Variants in RFC5 observed in about 807,000 individuals in gnomAD.
RFC5 encodes the protein replication factor C subunit 5, also known as A1 36 kDa subunit.
In RFC5, 26 loss-of-function variants were observed where a neutral mutation model predicts 44.3. That is an observed-to-expected ratio of 0.59 (90% CI 0.43 to 0.81). The LOEUF (loss-of-function observed/expected upper bound fraction) is 0.81. Ranked by LOEUF, RFC5 falls within the 40% of genes least tolerant of loss-of-function variation. RFC5 has a pLI of 0.00. For synonymous variants in RFC5, 155 were observed against 155.2 expected (o/e 1.00, Z 0.01); for missense variants, 328 against 418.6 (o/e 0.78, Z 1.89).
At position 118,016,727 on chromosome 12, in the gene RFC5, G is replaced by A; in HGVS notation, c.-101G>A. On this transcript the variant is annotated 5_prime_UTR_variant, in exon 1 of 11. Coordinates refer to ENST00000454402, the MANE Select transcript of RFC5 (RefSeq NM_007370.7). ...CGAGAGTTGCTTTTGCGCGCGAACT[G>A]TAAGTGCCAGGGTCTCAGGGTCAGG... 1.0e-6 allele frequency: 1 copy of A among 962,412 alleles called. No homozygotes were observed. The highest frequency in any genetic ancestry group is 1.6e-6 in the Non-Finnish European group (1 of 619,824). 59.6% of individuals were successfully genotyped at this position (962,412 alleles called of 1,614,324 possible). A position where few individuals can be genotyped will look rare whatever the true frequency, so the allele number is the denominator to read the frequency against.
intron 9 of RFC5, among the ~76,000 whole-genome samples, chr12:118,028,704 A>G (rs1352701931): frequency 6.6e-6 from 1 of 152,180 alleles, no homozygotes; most frequent in Non-Finnish European, 1.5e-5. Context: ...CCAGAAAAGA[A>G]AGAGAAGATA....
At chr12:118,023,436 G>A (rs1360719733) in intron 5 of RFC5, among the ~76,000 whole-genome samples, 1 of 89,640 alleles carries the variant, frequency 1.1e-5, no homozygotes, top group Non-Finnish European at 2.3e-5. Context: ...AGGAAGAGGA[G>A]GGGGTGAGGA....
intron 6 of RFC5, 96 bp from the exon 7 acceptor site, chr12:118,025,651 C>T (rs1439152478): frequency 1.3e-6 from 1 of 754,722 alleles, no homozygotes; most frequent in East Asian, 2.5e-5. Context: ...TCCTTCATCC[C>T]TTTAAAGCCT....
downstream of RFC5, chr12:118,034,189 G>A (rs780222378): frequency 1.9e-6 from 3 of 1,614,128 alleles, no homozygotes; most frequent in Non-Finnish European, 2.5e-6. Context: ...ACAAGATGTG[G>A]TGTTGCTTAA....
chr12:118,020,375 A>G (rs1302496413), intron 3 of RFC5, among the ~76,000 whole-genome samples: 1 of 152,216 alleles, frequency 6.6e-6, no homozygotes, highest in African/African-American at 2.4e-5. Flanking sequence ...TGGTTTTCCT[A>G]TATCACACCT....
the RFC5 span, among the ~76,000 whole-genome samples, chr12:118,041,333 G>A: frequency 6.6e-6 from 1 of 152,152 alleles, no homozygotes; most frequent in African/African-American, 2.4e-5. Context: ...CAGAGAGAAG[G>A]TGGCTGTTTA....
At chr12:118,030,349 A>G (rs536376596) in intron 10 of RFC5, among the ~76,000 whole-genome samples, 59 of 152,132 alleles carry the variant, frequency 3.9e-4, no homozygotes, top group Non-Finnish European at 7.5e-4. Context: ...CACAGGCACA[A>G]ATTAGGTCAC....
At chr12:118,038,775 A>C in the RFC5 span, among the ~76,000 whole-genome samples, 1 of 151,950 alleles carries the variant, frequency 6.6e-6, no homozygotes, top group Non-Finnish European at 1.5e-5. Context: ...CTGCCTCCCA[A>C]GTTGAAGCGA....
intron 4 of RFC5, among the ~76,000 whole-genome samples, chr12:118,021,653 A>G (rs1289459408): frequency 6.6e-6 from 1 of 150,888 alleles, no homozygotes; most frequent in Non-Finnish European, 1.5e-5. Context: ...AAAAAAAAAA[A>G]GAAAGAAAGA....
At position 118,019,488 on chromosome 12, in the gene RFC5, T is replaced by C; in HGVS notation, c.131-144T>C. On this transcript the variant is annotated intron_variant, in intron 2 of 10. Transcript: ENST00000454402. This position sits in a 1 kb window ranked among gnomAD's most constrained non-coding sequence, Gnocchi z 4.2. ...ATTCCAGTTGTTCCACGAAAGTAGA[T>C]ATGAGGCCCCTACATCAAGTTGTAT... 1 of 842,074 alleles carries C rather than the reference T, an allele frequency of 1.2e-6. No homozygotes were observed. Among genetic ancestry groups the C allele is most frequent in the Admixed American group, 2.3e-5 (1 of 43,162 alleles). 52.2% of individuals were successfully genotyped at this position (842,074 alleles called of 1,614,324 possible).
chr12:118,038,465 G>T, the RFC5 span: 4 of 1,388,664 alleles, frequency 2.9e-6, no homozygotes, highest in Non-Finnish European at 4.0e-6. Context: ...AACTGGGGTG[G>T]TAACAGCCCC....
intron 9 of RFC5, among the ~76,000 whole-genome samples, chr12:118,029,139 G>T (rs2031151842): frequency 6.6e-6 from 1 of 152,250 alleles, no homozygotes; most frequent in Non-Finnish European, 1.5e-5. Flanking sequence ...ATGGGGACAG[G>T]ATCGGTATAG....
intron 10 of RFC5, among the ~76,000 whole-genome samples, chr12:118,030,833 A>G (rs1057287028): frequency 2.6e-5 from 4 of 152,118 alleles, no homozygotes; most frequent in Non-Finnish European, 5.9e-5. Context: ...TTTGTTTTGT[A>G]GAGACGGGGG....
chr12:118,021,773 A>G (rs895827365), intron 4 of RFC5, among the ~76,000 whole-genome samples: 4 of 152,180 alleles, frequency 2.6e-5, no homozygotes, highest in African/African-American at 7.2e-5. Context: ...CATGGCCAAC[A>G]TAGTGAAACC....
intron 10 of RFC5, among the ~76,000 whole-genome samples, chr12:118,030,144 G>A (rs2031221029): frequency 6.6e-6 from 1 of 152,122 alleles, no homozygotes; most frequent in Admixed American, 6.6e-5. Context: ...CCACCCAGCT[G>A]TTATTAAGGC....
At chr12:118,028,616 AAGT>A (rs2031116502) in intron 9 of RFC5, among the ~76,000 whole-genome samples, 1 of 151,892 alleles carries the variant, frequency 6.6e-6, no homozygotes, top group South Asian at 2.1e-4. Flanking sequence ...TTATAGCAGT[AAGT>A]AGTATATATT....
At chr12:118,025,679 C>A in intron 6 of RFC5, 68 bp from the exon 7 acceptor site, 1 of 879,628 alleles carries the variant, frequency 1.1e-6, no homozygotes, top group Non-Finnish European at 1.9e-6. Flanking sequence ...TCCAGGCCAT[C>A]TTGTTCCTTT....
chr12:118,035,018 T>G, downstream of RFC5: 1 of 1,614,030 alleles, frequency 6.2e-7, no homozygotes, highest in Non-Finnish European at 8.5e-7. Flanking sequence ...GTGGAAAAAA[T>G]GTGCAGCAAA....
intron 8 of RFC5, chr12:118,027,221 T>C: frequency 1.8e-6 from 1 of 556,712 alleles, no homozygotes; most frequent in Non-Finnish European, 3.2e-6. Context: ...GGCTCTGACC[T>C]TCAAGTCAGG....
Sources: allele counts gnomAD v4.1 joint callset (sites outside exome capture counted in the v4.1 genomes callset), GRCh38; gene constraint gnomAD v4.1.1; non-coding constraint Gnocchi (gnomAD v3.1); transcripts MANE v1.5; gene names NCBI Gene and HGNC (gene_info 2026-07-23, HGNC 2026-07-21).